CCDC172: variants seen among roughly 807,000 people sequenced by gnomAD.
CCDC172 encodes the protein coiled-coil domain containing 172, also known as coiled-coil domain-containing protein 172.
Under a neutral mutation model 38.0 loss-of-function variants are expected in CCDC172, and 30 were observed. The ratio of observed to expected loss-of-function variants is 0.79; its 90% confidence interval spans 0.59 to 1.07. The LOEUF is 1.07. Among genes scored for constraint, CCDC172 ranks in the 50% least tolerant of loss-of-function variants. CCDC172 has a pLI of 0.00. For synonymous variants in CCDC172, 78 were observed against 88.3 expected, an observed-to-expected ratio of 0.88 and a Z score of 0.66; for missense variants, 297 against 290.1, an observed-to-expected ratio of 1.02 and a Z score of -0.17.
At chr10:116,357,275 T>G (rs1845009973) in intron 5 of CCDC172, 105 bp from the exon 6 acceptor site, 1 of 665,240 alleles carries the variant, frequency 1.5e-6, no homozygotes, top group Non-Finnish European at 2.5e-6. Flanking sequence ...TGTCTTCACT[T>G]TCTTTCATCT....
intron 2 of CCDC172, 30 bp downstream of exon 2, chr10:116,325,120 C>A (rs933306860): frequency 1.9e-6 from 3 of 1,605,468 alleles, no homozygotes; most frequent in Middle Eastern, 1.7e-4. Flanking sequence ...TTGCATGGGG[C>A]CTTTTGTCTT....
At chr10:116,350,054 A>G (rs1267154655) in intron 5 of CCDC172, among the ~76,000 whole-genome samples, 2 of 152,196 alleles carry the variant, frequency 1.3e-5, no homozygotes, top group African/African-American at 4.8e-5. Context: ...TTTTTGAGAA[A>G]GAGCAGAGCC....
At chr10:116,377,183 T>TA (rs1202156193) in intron 7 of CCDC172, among the ~76,000 whole-genome samples, 6 of 152,110 alleles carry the variant, frequency 3.9e-5, no homozygotes, top group South Asian at 4.1e-4. Flanking sequence ...TAAAGTATAA[T>TA]AAAAAAATCA....
At chr10:116,372,752 TAAAGAG>T (rs1209194738) in intron 7 of CCDC172, among the ~76,000 whole-genome samples, 1 of 151,692 alleles carries the variant, frequency 6.6e-6, no homozygotes, top group East Asian at 1.9e-4. Flanking sequence ...AAAATAAAGA[TAAAGAG>T]AAACTCAGGA....
rs192777021 is a variant in CCDC172, at chr10:116,359,584, C to T, written c.653+1646C>T. On this transcript the variant is annotated intron_variant, in intron 7 of 8. Transcript: ENST00000333254. ...AGATGCAGTAGCACCCTGCATTCAC[C>T]GGTTGTGGCAACCAAAAATGTCTCC... Among the ~76,000 whole-genome samples, 328 of 152,216 alleles carry T rather than the reference C, an allele frequency of 2.2e-3. 1 individual carries two copies. The highest frequency in any genetic ancestry group is 7.2e-3 in the African/African-American group (298 of 41,528).
chr10:116,367,997 T>C (rs1845143892), intron 7 of CCDC172, among the ~76,000 whole-genome samples: 1 of 152,224 alleles, frequency 6.6e-6, no homozygotes, highest in Non-Finnish European at 1.5e-5. Flanking sequence ...CTTCAGTTTG[T>C]ACTTATTTGT....
Position 116,375,018 on chromosome 10 carries a change from T to C in CCDC172, c.654-3405T>C, listed in dbSNP as rs989970258. ...TTTAGTTATTCTGGTGAATGTTTAATGGTATTTCCTTATGCTTTTCTTTGT... is the reference window on the plus strand; with the variant it reads ...TTTAGTTATTCTGGTGAATGTTTAACGGTATTTCCTTATGCTTTTCTTTGT... On this transcript the variant is annotated intron_variant, in intron 7 of 8. Transcript: ENST00000333254. 1.3e-4 allele frequency among the ~76,000 whole-genome samples: 20 copies of C among 152,190 alleles called. 2 individuals carry two copies. The highest frequency in any genetic ancestry group is 1.3e-3 in the Admixed American group (20 of 15,276).
At chr10:116,362,055 T>C (rs1426398006) in intron 7 of CCDC172, among the ~76,000 whole-genome samples, 4 of 151,994 alleles carry the variant, frequency 2.6e-5, no homozygotes, top group Non-Finnish European at 5.9e-5. Context: ...CCGGGCGTGG[T>C]GGCAGGCACC....
intron 3 of CCDC172, among the ~76,000 whole-genome samples, chr10:116,337,810 T>C (rs941057893): frequency 1.1e-4 from 17 of 152,222 alleles, no homozygotes; most frequent in African/African-American, 4.1e-4. Flanking sequence ...TTTCTGATGA[T>C]TATTTATTCA....
chr10:116,345,807 C>T (rs930013421), intron 5 of CCDC172, among the ~76,000 whole-genome samples: 2 of 152,082 alleles, frequency 1.3e-5, no homozygotes, highest in Admixed American at 1.3e-4. Context: ...CCAAACGTTG[C>T]TGAGAATGTG....
chr10:116,367,022 C>T (rs2134963336), intron 7 of CCDC172, among the ~76,000 whole-genome samples: 1 of 151,962 alleles, frequency 6.6e-6, no homozygotes, highest in East Asian at 1.9e-4. Flanking sequence ...TATTAATTTC[C>T]AGAAGTTTTA....
At chr10:116,376,630 G>T (rs1845248841) in intron 7 of CCDC172, among the ~76,000 whole-genome samples, 1 of 151,976 alleles carries the variant, frequency 6.6e-6, no homozygotes, top group Non-Finnish European at 1.5e-5. Context: ...CATCAAACTT[G>T]TATGATATTA....
intron 3 of CCDC172, among the ~76,000 whole-genome samples, chr10:116,334,202 G>A (rs983184589): frequency 9.2e-5 from 14 of 152,156 alleles, no homozygotes; most frequent in Non-Finnish European, 1.8e-4. Flanking sequence ...GCTCCTCCCC[G>A]TCTTTACTAA....
Position 116,357,957 on chromosome 10 carries a change from A to G in CCDC172, c.653+19A>G. 7.1e-7 allele frequency: 1 copy of G among 1,408,862 alleles called. No individual in the cohort carries two copies. The highest frequency in any genetic ancestry group is 9.9e-7 in the Non-Finnish European group (1 of 1,006,718). 87.3% of individuals were successfully genotyped at this position (1,408,862 alleles called of 1,614,324 possible). ...GCTTAAGGTAAGAGTTTCCTGTTAT[A>G]TTTTGGCCTAAATCAGGTAATTTTT... On this transcript the variant is annotated intron_variant, in intron 7 of 8. Coordinates refer to ENST00000333254, the MANE Select transcript of CCDC172 (RefSeq NM_198515.3).
chr10:116,366,071 C>T (rs1303026178), intron 7 of CCDC172, among the ~76,000 whole-genome samples: 1 of 151,968 alleles, frequency 6.6e-6, no homozygotes, highest in Non-Finnish European at 1.5e-5. Context: ...CACCATCCAC[C>T]CTTATTATAA....
rs369367630 is a variant in CCDC172, at chr10:116,363,337, T to C, written c.653+5399T>C. Reference sequence around the variant, plus strand: ...CCTGTGAAAGCTCTTACCTATCTGCTCTTGGCCTGGACTGAAGGAAAGCAG... The same window carrying C: ...CCTGTGAAAGCTCTTACCTATCTGCCCTTGGCCTGGACTGAAGGAAAGCAG... On this transcript the variant is annotated intron_variant, in intron 7 of 8. Transcript: ENST00000333254. Among the ~76,000 whole-genome samples, 7 of 152,250 alleles carry C rather than the reference T, an allele frequency of 4.6e-5. No homozygotes were observed. The East Asian group carries it at 1.2e-3, about 25-fold the overall frequency.
At chr10:116,346,812 A>G (rs981618630) in intron 5 of CCDC172, among the ~76,000 whole-genome samples, 1 of 152,172 alleles carries the variant, frequency 6.6e-6, no homozygotes, top group Admixed American at 6.5e-5. Flanking sequence ...TAGGTATTTC[A>G]TAACATTTTC....
chr10:116,372,078 C>T (rs1845192096), intron 7 of CCDC172, among the ~76,000 whole-genome samples: 1 of 152,026 alleles, frequency 6.6e-6, no homozygotes, highest in African/African-American at 2.4e-5. Flanking sequence ...TTGGTGTGGG[C>T]TTCAGAGCTG....
chr10:116,350,675 T>C (rs772823787), intron 5 of CCDC172, among the ~76,000 whole-genome samples: 1 of 149,836 alleles, frequency 6.7e-6, no homozygotes, highest in Non-Finnish European at 1.5e-5. Flanking sequence ...AGATAAGCAA[T>C]ATATGACACT....
Sources: allele counts gnomAD v4.1 joint callset (sites outside exome capture counted in the v4.1 genomes callset), GRCh38; gene constraint gnomAD v4.1.1; transcripts MANE v1.5; gene names NCBI Gene and HGNC (gene_info 2026-07-23, HGNC 2026-07-21).